The following ARHGAP42 variants were observed in gnomAD, a reference collection of about 807,000 sequenced individuals.
ARHGAP42 encodes rho GTPase-activating protein 42.
A neutral mutation model predicts 125.0 loss-of-function variants in ARHGAP42; 63 were observed. The ratio of observed to expected loss-of-function variants is 0.50; its 90% CI spans 0.41 to 0.62. The LOEUF is 0.62. ARHGAP42 is among the 20% of genes least tolerant of loss of function. The pLI, the probability that ARHGAP42 is intolerant of heterozygous loss-of-function variation, is 0.00. For missense variants in ARHGAP42, 766 were observed against 1,024.2 expected (o/e 0.75, Z 3.44); for synonymous variants, 339 against 351.0 (o/e 0.97, Z 0.38).
chr11:100,764,670 TG>T (rs1862789010), intron 1 of ARHGAP42, among the ~76,000 whole-genome samples: 1 of 152,158 alleles, frequency 6.6e-6, no homozygotes. Context: ...ATTAGGGGCT[TG>T]TAAGAATGTG....
chr11:100,807,725 G>C (rs1295401004), intron 3 of ARHGAP42, among the ~76,000 whole-genome samples: 5 of 152,074 alleles, frequency 3.3e-5, no homozygotes, highest in Non-Finnish European at 7.3e-5. Context: ...CTCTTTCCTC[G>C]CATCTCTAGT....
At chr11:100,928,743 T>C (rs933812211) in intron 6 of ARHGAP42, among the ~76,000 whole-genome samples, 9 of 152,040 alleles carry the variant, frequency 5.9e-5, no homozygotes, top group Non-Finnish European at 1.2e-4. Context: ...AAAATAAACA[T>C]CACATCCTTT....
intron 1 of ARHGAP42, among the ~76,000 whole-genome samples, chr11:100,762,151 G>A (rs1316122160): frequency 6.6e-6 from 1 of 152,204 alleles, no homozygotes; most frequent in Non-Finnish European, 1.5e-5. Flanking sequence ...CCAGAAGGGT[G>A]GATGTATCCA....
At position 100,990,573 on chromosome 11, in the gene ARHGAP42, A is replaced by G. The variant is rs1203364998; in HGVS notation, c.*1772A>G. The G allele has an allele frequency of 6.6e-6, 1 of 152,356 alleles. No individual in the cohort carries two copies. The highest frequency in any genetic ancestry group is 2.4e-5 in the African/African-American group (1 of 41,470). 9.4% of individuals were successfully genotyped at this position (152,356 alleles called of 1,614,324 possible). On this transcript the variant is annotated 3_prime_UTR_variant, in exon 24 of 24. Transcript: ENST00000298815. Reference sequence around the variant, plus strand: ...TAATGTAAACGTTTGATAAAAGAGTATCTTTTTCTTTTATCTCTTACTGTT... The same window carrying G: ...TAATGTAAACGTTTGATAAAAGAGTGTCTTTTTCTTTTATCTCTTACTGTT...
In ARHGAP42 at chr11:100,880,520, T is replaced by C. The variant is rs1438962089; in HGVS notation, c.384+20895T>C. Among the ~76,000 whole-genome samples, 3 of 152,340 alleles carry C rather than the reference T, an allele frequency of 2.0e-5. No individual in the cohort carries two copies. In the East Asian group the frequency reaches 5.8e-4, roughly 29 times the overall value. ...CTGATTGATGGGCATTTGGGTTGGT[T>C]CCGCCTTTTTGCAATTGCAATTTGT... On this transcript the variant is annotated intron_variant, in intron 4 of 23. Transcript: ENST00000298815.
chr11:100,988,346 C>G (rs1156602766), intron 23 of ARHGAP42, among the ~76,000 whole-genome samples: 1 of 152,068 alleles, frequency 6.6e-6, no homozygotes, highest in African/African-American at 2.4e-5. Flanking sequence ...AGAATTTTTG[C>G]ATGCACACTT....
chr11:100,877,745 G>T (rs910761217), intron 4 of ARHGAP42, among the ~76,000 whole-genome samples: 1 of 152,070 alleles, frequency 6.6e-6, no homozygotes, highest in Non-Finnish European at 1.5e-5. Context: ...GGTGGCTCAC[G>T]CCTGTAATCC....
intron 1 of ARHGAP42, among the ~76,000 whole-genome samples, chr11:100,754,019 G>A (rs971919169): frequency 9.2e-5 from 14 of 152,228 alleles, no homozygotes; most frequent in Non-Finnish European, 1.5e-4. Flanking sequence ...AGTGGCAGAG[G>A]CTGCCTCTAA....
intron 1 of ARHGAP42, among the ~76,000 whole-genome samples, chr11:100,699,520 T>A (rs1384636444): frequency 1.1e-3 from 104 of 91,724 alleles, no homozygotes; most frequent in Non-Finnish European, 1.4e-3. Context: ...TTTTTTTTTT[T>A]TTTTTTTTTT....
chr11:100,711,860 G>A lies in ARHGAP42; in HGVS notation c.154+24028G>A, dbSNP rs191926445. Among the ~76,000 whole-genome samples, 23 of 152,076 alleles carry A rather than the reference G, an allele frequency of 1.5e-4. No homozygotes were observed. The East Asian group carries it at 4.0e-3, about 27-fold the overall frequency. ...CACCTTTACCAGGAGTCAAAGAAAT[G>A]CAAATGAATATGAGAGTAAGGTAAA... On this transcript the variant is annotated intron_variant, in intron 1 of 23. Coordinates refer to ENST00000298815, the MANE Select transcript of ARHGAP42 (RefSeq NM_152432.4).
intron 22 of ARHGAP42, among the ~76,000 whole-genome samples, chr11:100,982,576 A>G (rs1432322596): frequency 6.6e-6 from 1 of 152,236 alleles, no homozygotes; most frequent in Non-Finnish European, 1.5e-5. Flanking sequence ...TCTTACCATT[A>G]TAAAGGCATG....
At chr11:100,883,749 T>C (rs1490501646) in intron 4 of ARHGAP42, among the ~76,000 whole-genome samples, 2 of 152,178 alleles carry the variant, frequency 1.3e-5, no homozygotes, top group Non-Finnish European at 2.9e-5. Flanking sequence ...GAGAACTTTA[T>C]AGAGAAGACT....
intron 3 of ARHGAP42, among the ~76,000 whole-genome samples, chr11:100,857,719 C>A (rs1428816288): frequency 1.3e-5 from 2 of 152,026 alleles, no homozygotes; most frequent in African/African-American, 4.8e-5. Flanking sequence ...TTAGTTTTTC[C>A]ATTGATTCCT....
At chr11:100,792,705 T>A (rs1012209417) in intron 2 of ARHGAP42, among the ~76,000 whole-genome samples, 1 of 152,202 alleles carries the variant, frequency 6.6e-6, no homozygotes. Context: ...ATTGTGTTAT[T>A]TGTATAATGT....
chr11:100,833,725 A>T (rs928874261), intron 3 of ARHGAP42, among the ~76,000 whole-genome samples: 1 of 152,024 alleles, frequency 6.6e-6, no homozygotes, highest in Non-Finnish European at 1.5e-5. Flanking sequence ...ATCGCCTCGT[A>T]TTGCTTTCTT....
intron 4 of ARHGAP42, among the ~76,000 whole-genome samples, chr11:100,890,853 G>A (rs549403523): frequency 3.7e-4 from 57 of 152,240 alleles, no homozygotes; most frequent in South Asian, 1.7e-3. Context: ...AAATAGTATC[G>A]TGTTTAGAGT....
chr11:100,838,323 T>C (rs762985305), intron 3 of ARHGAP42, among the ~76,000 whole-genome samples: 1 of 152,108 alleles, frequency 6.6e-6, no homozygotes, highest in Admixed American at 6.6e-5. Flanking sequence ...CTCTTTGAAA[T>C]TAGTAAGTCC....
intron 17 of ARHGAP42, among the ~76,000 whole-genome samples, chr11:100,966,019 A>G (rs987322719): frequency 6.6e-6 from 1 of 152,168 alleles, no homozygotes; most frequent in Non-Finnish European, 1.5e-5. Context: ...TAAACTAATG[A>G]TGAAACAATT....
At chr11:100,983,270 A>G (rs1293457422) in intron 22 of ARHGAP42, among the ~76,000 whole-genome samples, 1 of 152,256 alleles carries the variant, frequency 6.6e-6, no homozygotes, top group Non-Finnish European at 1.5e-5. Flanking sequence ...AGCCTATTAC[A>G]TATTAGCACA....
Sources: gnomAD v4.1 joint callset for allele counts (sites outside exome capture counted in the v4.1 genomes callset) on GRCh38, gnomAD v4.1.1 for gene constraint, MANE v1.5 for transcripts, NCBI Gene and HGNC (gene_info 2026-07-23, HGNC 2026-07-21) for gene names.